Variants in RBFOX1 observed in about 807,000 individuals in gnomAD.
RBFOX1 encodes RNA binding fox-1 homolog 1.
In RBFOX1, 8 loss-of-function variants were observed where a neutral mutation model predicts 57.7. The observed-to-expected ratio is 0.14, with a 90% CI of 0.08 to 0.25. RBFOX1 has a LOEUF of 0.25. Among genes scored for constraint, RBFOX1 ranks in the 10% least tolerant of loss-of-function variants. The probability of loss-of-function intolerance (pLI) is 1.00; values close to 1 mark genes in which losing one functional copy is unlikely to be tolerated. For synonymous variants in RBFOX1, 326 were observed against 222.4 expected, an observed-to-expected ratio of 1.47 and a Z score of -4.15; for missense variants, 611 against 548.5, an observed-to-expected ratio of 1.11 and a Z score of -1.14.
At chr16:6,666,115 G>A (rs9931015) in intron 3 of RBFOX1, among the ~76,000 whole-genome samples, 82,311 of 151,914 alleles carry the variant, frequency 0.54, 22,838 homozygotes, top group African/African-American at 0.64. Flanking sequence ...TCCCATCATG[G>A]TTATGAGACC....
intron 1 of RBFOX1, among the ~76,000 whole-genome samples, chr16:6,216,487 G>C (rs1383348735): frequency 6.6e-6 from 1 of 152,150 alleles, no homozygotes; most frequent in Non-Finnish European, 1.5e-5. Context: ...TATCGCTGAA[G>C]AGAGTGACCC....
chr16:7,356,278 C>A (rs1005946294), intron 4 of RBFOX1, among the ~76,000 whole-genome samples: 8 of 152,128 alleles, frequency 5.3e-5, no homozygotes, highest in Non-Finnish European at 2.9e-5. Flanking sequence ...TGGAGGCCCA[C>A]ACAGGCATCA....
intron 1 of RBFOX1, among the ~76,000 whole-genome samples, chr16:5,292,766 G>C (rs917380843): frequency 2.0e-5 from 3 of 152,010 alleles, no homozygotes; most frequent in Non-Finnish European, 4.4e-5. Context: ...TGGGCTTACA[G>C]GCATGTGTCA....
At chr16:6,546,796 C>G (rs769308251) in intron 2 of RBFOX1, among the ~76,000 whole-genome samples, 1 of 152,156 alleles carries the variant, frequency 6.6e-6, no homozygotes, top group South Asian at 2.1e-4. Flanking sequence ...TCCATTTTCA[C>G]AAATGGGGTC....
chr16:5,311,760 T>A (rs566522710), intron 1 of RBFOX1, among the ~76,000 whole-genome samples: 20 of 152,342 alleles, frequency 1.3e-4, no homozygotes, highest in African/African-American at 4.3e-4. Context: ...TTTTTCTTGC[T>A]GATTTCAAAT....
chr16:6,392,247 GC>G (rs371466003), intron 2 of RBFOX1, among the ~76,000 whole-genome samples: 1 of 152,324 alleles, frequency 6.6e-6, no homozygotes, highest in Non-Finnish European at 1.5e-5. Context: ...TGTTCTCCAA[GC>G]GTTTTAACTG....
intron 2 of RBFOX1, among the ~76,000 whole-genome samples, chr16:6,572,475 C>G (rs909949890): frequency 3.3e-5 from 5 of 152,158 alleles, no homozygotes; most frequent in African/African-American, 9.7e-5. Context: ...CGTGCATGTA[C>G]AAATATATAT....
chr16:6,943,819 C>G (rs1338594096), intron 3 of RBFOX1, among the ~76,000 whole-genome samples: 1 of 151,966 alleles, frequency 6.6e-6, no homozygotes, highest in East Asian at 1.9e-4. Flanking sequence ...AAACTGTGTT[C>G]AAATAAGGCA....
intron 2 of RBFOX1, among the ~76,000 whole-genome samples, chr16:6,634,922 TATA>T (rs957366413): frequency 2.1e-4 from 30 of 140,342 alleles, no homozygotes; most frequent in East Asian, 4.1e-4. Flanking sequence ...ATTTATATAA[TATA>T]ATATAATTTA....
intron 3 of RBFOX1, among the ~76,000 whole-genome samples, chr16:6,812,245 G>A (rs1218888742): frequency 6.6e-6 from 1 of 152,124 alleles, no homozygotes; most frequent in African/African-American, 2.4e-5. Context: ...TTCCTGTTTT[G>A]TTAAGAAATT....
chr16:7,103,923 C>G (rs2063128541), intron 4 of RBFOX1, among the ~76,000 whole-genome samples: 1 of 152,142 alleles, frequency 6.6e-6, no homozygotes, highest in African/African-American at 2.4e-5. Flanking sequence ...GTCTCTCTTT[C>G]AAACATCCAT....
chr16:6,854,196 A>G (rs2057371141), intron 3 of RBFOX1, among the ~76,000 whole-genome samples: 1 of 152,146 alleles, frequency 6.6e-6, no homozygotes, highest in African/African-American at 2.4e-5. Flanking sequence ...TGGGGTTTAG[A>G]CAGAGCTTGC....
intron 2 of RBFOX1, among the ~76,000 whole-genome samples, chr16:6,386,170 C>T (rs901747840): frequency 1.3e-5 from 2 of 152,082 alleles, no homozygotes; most frequent in African/African-American, 4.8e-5. Flanking sequence ...GTCCTGGCCT[C>T]GTGATCCGCC....
At chr16:7,227,705 C>T (rs750782418) in intron 4 of RBFOX1, among the ~76,000 whole-genome samples, 2 of 152,130 alleles carry the variant, frequency 1.3e-5, no homozygotes, top group Admixed American at 1.3e-4. Context: ...TCATTTGGCC[C>T]GTCGCCCTGC....
rs1204811950 is a variant in RBFOX1 at position 6,351,350 on chromosome 16, G to GTA, written c.-64+34294_-64+34295insAT. On this transcript the variant is annotated intron_variant, in intron 2 of 15. Transcript: ENST00000550418. ...TGTGTGTGTGTGTGTGTGTGTGTGT[G>GTA]TGTATATATATATATATATATATTT... Among the ~76,000 whole-genome samples, 94 of 99,370 alleles carry GTA rather than the reference G, an allele frequency of 9.5e-4. 1 individual carries two copies. Among genetic ancestry groups the GTA allele is most frequent in the African/African-American group, 3.9e-3 (78 of 20,106 alleles). The allele number at this position is 99,370 out of a possible 152,430, so 65.2% of individuals were successfully genotyped here.
At chr16:6,929,581 CG>C (rs768673193) in intron 3 of RBFOX1, among the ~76,000 whole-genome samples, 2 of 151,924 alleles carry the variant, frequency 1.3e-5, no homozygotes, top group Non-Finnish European at 2.9e-5. Context: ...TGCATGGGGC[CG>C]GGGAAATTTA....
At chr16:5,752,031 C>T (rs1001198535) in intron 3 of RBFOX1, among the ~76,000 whole-genome samples, 4 of 152,124 alleles carry the variant, frequency 2.6e-5, no homozygotes, top group Admixed American at 1.3e-4. Context: ...TCTAAATTCC[C>T]ATAATGGCAG....
At chr16:5,384,173 G>T (rs1344948125) in intron 1 of RBFOX1, among the ~76,000 whole-genome samples, 1 of 152,206 alleles carries the variant, frequency 6.6e-6, no homozygotes, top group African/African-American at 2.4e-5. Flanking sequence ...GCAGCCAAGG[G>T]TGGTGCATTG....
chr16:6,802,592 G>A (rs542795709), intron 3 of RBFOX1, among the ~76,000 whole-genome samples: 19 of 152,164 alleles, frequency 1.2e-4, no homozygotes, highest in Non-Finnish European at 2.2e-4. Flanking sequence ...CAGGAGAATC[G>A]CTTGAACCTG....
Sources: allele counts gnomAD v4.1 joint callset (sites outside exome capture counted in the v4.1 genomes callset), GRCh38; gene constraint gnomAD v4.1.1; transcripts MANE v1.5; gene names NCBI Gene and HGNC (gene_info 2026-07-23, HGNC 2026-07-21).